The following HERC1 variants were observed in gnomAD, a reference collection of about 807,000 sequenced individuals.
The protein encoded by HERC1 is HECT and RLD domain containing E3 ubiquitin protein ligase family member 1.
Under a neutral mutation model 554.3 loss-of-function variants are expected in HERC1, and 160 were observed. The observed-to-expected ratio is 0.29, with a 90% confidence interval of 0.25 to 0.33. The LOEUF (loss-of-function observed/expected upper bound fraction) is 0.33. Among genes scored for constraint, HERC1 ranks in the 10% least tolerant of loss-of-function variants. The pLI is 1.00. For missense variants in HERC1, 4,919 were observed against 5,918.5 expected, an observed-to-expected ratio of 0.83 and a Z score of 5.54; for synonymous variants, 2,175 against 2,131.7, an observed-to-expected ratio of 1.02 and a Z score of -0.56.
chr15:63,799,143 CAG>C (rs1426533958), intron 1 of HERC1, among the ~76,000 whole-genome samples: 2 of 152,166 alleles, frequency 1.3e-5, no homozygotes, highest in Non-Finnish European at 2.9e-5. Flanking sequence ...TGTAGCTTAG[CAG>C]AGACACCCTC....
intron 65 of HERC1, 63 bp downstream of exon 65, chr15:63,635,898 G>A (rs760253940): frequency 2.1e-4 from 312 of 1,508,004 alleles, no homozygotes; most frequent in Non-Finnish European, 2.4e-4. Context: ...CTAATTTTAA[G>A]AAACCTATTC....
rs1394526865 is a variant in HERC1 at position 63,669,550 on chromosome 15, C to G, written c.8194G>C (p.Ala2732Pro). 6.2e-7 allele frequency: 1 copy of G among 1,613,752 alleles called. No individual in the cohort carries two copies. Among genetic ancestry groups the G allele is most frequent in the South Asian group, 1.1e-5 (1 of 91,076 alleles). ...TSPDSQSARP[A>P]NRTALSDPSS... is the part of the protein sequence containing the mutation. ...TCAGCACACGCACCTGTGCGGTTAGCTGGCCTTGCTGACTGGGAATCAGGA... is the reference window on the plus strand; with the variant it reads ...TCAGCACACGCACCTGTGCGGTTAGGTGGCCTTGCTGACTGGGAATCAGGA... The change falls in exon 40 of 78, where the codon GCT becomes CCT. Residue 2732 changes from alanine to proline, a missense_variant. Physicochemically the swap from Ala to Pro is conservative, Grantham distance 27. Transcript: ENST00000443617.
rs1274593657 is a variant in HERC1, at chr15:63,734,735, A to G, written c.2635T>C (p.Ser879Pro). ...PQGPDRWESLSKGQRMQLDII... is the reference protein window; with the variant it reads ...PQGPDRWESLPKGQRMQLDII... Reference sequence around the variant, plus strand: ...AAGCAAAGGCCTACCTGTCCTTTAGATAAGCTTTCCCATCTATCAGGTCCT... The same window carrying G: ...AAGCAAAGGCCTACCTGTCCTTTAGGTAAGCTTTCCCATCTATCAGGTCCT... The change falls in exon 13 of 78, where the codon TCT (serine) becomes CCT (proline). Residue 879 changes from serine (S) to proline (P), a missense_variant. By Grantham distance (74) the Ser-to-Pro change is moderately conservative (BLOSUM62 -1). Around this residue, in one of 11 missense-constraint regions of HERC1, gnomAD observed 744 missense variants for 1,090.0 expected, o/e 0.68. Coordinates refer to ENST00000443617, the MANE Select transcript of HERC1 (RefSeq NM_003922.4). This position sits in a 1 kb window ranked among gnomAD's most constrained non-coding sequence, Gnocchi z 4.6. 2 of 1,566,508 alleles carry G rather than the reference A, an allele frequency of 1.3e-6. No homozygotes were observed.
chr15:63,728,826 G>A (rs1477933304), intron 16 of HERC1, among the ~76,000 whole-genome samples: 4 of 151,586 alleles, frequency 2.6e-5, no homozygotes, highest in African/African-American at 9.7e-5. Context: ...AGAGTCAGAG[G>A]AAGAGGAGAG....
Position 63,659,781 on chromosome 15 carries a change from T to C in HERC1, c.9379A>G (p.Met3127Val), listed in dbSNP as rs1205354561. 2 of 1,613,978 alleles carry C rather than the reference T, an allele frequency of 1.2e-6. No homozygotes were observed. The highest frequency in any genetic ancestry group is 2.2e-5 in the East Asian group (1 of 44,890). The change falls in exon 47 of 78, where the codon ATG becomes GTG. Residue 3127 changes from methionine to valine, a missense_variant. By Grantham distance (21) the Met-to-Val change is conservative. Coordinates refer to ENST00000443617, the MANE Select transcript of HERC1 (RefSeq NM_003922.4). ...TCCATACTGTTGGTGGCTGTGACCA[T>C]TGCTACTGATGCTCCCAGTGGATCG... is the stretch of plus-strand genomic sequence containing the variant. Reference protein sequence around the residue: ...DSDPLGASVAMVTATNSMEET... With the variant: ...DSDPLGASVAVVTATNSMEET...
rs542377589 is a variant in HERC1 at position 63,657,667 on chromosome 15, C to G, written c.9599+877G>C. On this transcript the variant is annotated intron_variant, in intron 48 of 77. Transcript: ENST00000443617. ...ATTTATCAATCTTTTATGGCAGATT[C>G]CTTTTGTGACTTGCTTGAGGAATTT... Among the ~76,000 whole-genome samples, 23 of 152,220 alleles carry G rather than the reference C, an allele frequency of 1.5e-4. No homozygotes were observed. The East Asian group carries it at 3.7e-3, about 24-fold the overall frequency.
intron 34 of HERC1, among the ~76,000 whole-genome samples, chr15:63,684,306 C>G (rs1349671058): frequency 6.6e-6 from 1 of 152,174 alleles, no homozygotes; most frequent in Non-Finnish European, 1.5e-5. Flanking sequence ...CTAAATAAAA[C>G]TGTTCCCAGA....
Position 63,652,797 on chromosome 15 carries a change from C to T in HERC1, c.10291-256G>A, listed in dbSNP as rs190415359. Among the ~76,000 whole-genome samples, 120 of 152,164 alleles carry T rather than the reference C, an allele frequency of 7.9e-4. 1 individual carries two copies. The highest frequency in any genetic ancestry group is 1.5e-3 in the Non-Finnish European group (101 of 67,996). On this transcript the variant is annotated intron_variant, in intron 51 of 77. Transcript: ENST00000443617. ...CCTCCAAACAGCTGGATTACAGGCA[C>T]GTGCCACCACAACTGGATAATTTTT... is the stretch of plus-strand genomic sequence containing the variant.
rs2067788793 is a variant in HERC1 at position 63,615,772 on chromosome 15, C to A, written c.14090G>T (p.Arg4697Ile). 6.3e-7 allele frequency: 1 copy of A among 1,588,060 alleles called. No individual in the cohort carries two copies. Among genetic ancestry groups the A allele is most frequent in the African/African-American group, 1.4e-5 (1 of 73,438 alleles). Reference sequence around the variant, plus strand: ...TCCCGAGATGTTTCATCTCACCTGTCTGTCCATCTCATGAAGTCGATATTC... The same window carrying A: ...TCCCGAGATGTTTCATCTCACCTGTATGTCCATCTCATGAAGTCGATATTC... ...AIEYRLHEMDRQVAAVREGMS... is the reference protein window; with the variant it reads ...AIEYRLHEMDIQVAAVREGMS... The change falls in exon 76 of 78, where the codon AGA becomes ATA. Residue 4697 changes from arginine to isoleucine, a missense_variant. Coordinates refer to ENST00000443617, the MANE Select transcript of HERC1 (RefSeq NM_003922.4).
intron 1 of HERC1, among the ~76,000 whole-genome samples, chr15:63,803,429 C>CT (rs879775473): frequency 4.6e-4 from 68 of 148,122 alleles, no homozygotes; most frequent in Admixed American, 1.5e-3. Flanking sequence ...TTTTTTCTCT[C>CT]TTTTTTTTTT....
intron 25 of HERC1, among the ~76,000 whole-genome samples, chr15:63,704,498 T>A (rs1169333369): frequency 6.6e-6 from 1 of 152,186 alleles, no homozygotes; most frequent in East Asian, 1.9e-4. Context: ...ACTCAGTAAG[T>A]CTGGAGCCAT....
intron 26 of HERC1, among the ~76,000 whole-genome samples, chr15:63,697,573 G>A (rs2072494662): frequency 6.6e-6 from 1 of 150,526 alleles, no homozygotes; most frequent in Non-Finnish European, 1.5e-5. Flanking sequence ...TCCCGCCTCA[G>A]CCTCCCAAGT....
chr15:63,701,135 T>C (rs892071196), intron 25 of HERC1, among the ~76,000 whole-genome samples: 16 of 152,066 alleles, frequency 1.1e-4, no homozygotes, highest in Non-Finnish European at 4.4e-5. Flanking sequence ...GGAACTGATA[T>C]TAGAACTGCA....
chr15:63,780,343 C>T (rs920288226), intron 1 of HERC1: 1 of 151,916 alleles, frequency 6.6e-6, no homozygotes, highest in Admixed American at 6.6e-5. Flanking sequence ...CAAAATTATA[C>T]AAAGACAGAA....
intron 1 of HERC1, among the ~76,000 whole-genome samples, chr15:63,821,726 C>CAAAAAAAAAAAAAAAAAAA (rs35074987): frequency 1.3e-4 from 8 of 62,468 alleles, no homozygotes; most frequent in African/African-American, 5.6e-4. Flanking sequence ...TACCCTGTCT[C>CAAAAAAAAAAAAAAAAAAA]AAAAAAAAAA....
In HERC1 at chr15:63,749,289, T is replaced by C. The variant is rs1033013505; in HGVS notation, c.2219+78A>G. The C allele has an allele frequency of 3.7e-6, 4 of 1,093,536 alleles. No individual in the cohort carries two copies. Among genetic ancestry groups the C allele is most frequent in the Middle Eastern group, 2.5e-4 (1 of 3,974 alleles). 67.7% of individuals were successfully genotyped at this position (1,093,536 alleles called of 1,614,324 possible). ...TTTATGAACAAAGCACAATTATTTCTGTTTTTATTAGTGTTTCTACTTTTT... is the reference window on the plus strand; with the variant it reads ...TTTATGAACAAAGCACAATTATTTCCGTTTTTATTAGTGTTTCTACTTTTT... On this transcript the variant is annotated intron_variant, in intron 10 of 77. Coordinates refer to ENST00000443617, the MANE Select transcript of HERC1 (RefSeq NM_003922.4). This position sits in a 1 kb window ranked among gnomAD's most constrained non-coding sequence, Gnocchi z 4.1.
intron 1 of HERC1, among the ~76,000 whole-genome samples, chr15:63,813,898 A>G (rs927930188): frequency 1.3e-5 from 2 of 152,124 alleles, no homozygotes; most frequent in African/African-American, 4.8e-5. Context: ...GTCTCTACAA[A>G]AAATGCAAAA....
chr15:63,648,664 C>T (rs916306658), intron 54 of HERC1, among the ~76,000 whole-genome samples: 2 of 152,046 alleles, frequency 1.3e-5, no homozygotes, highest in African/African-American at 4.8e-5. Flanking sequence ...TATATTTCTA[C>T]TTGTTTCTTC....
Position 63,645,010 on chromosome 15 carries a change from C to G in HERC1, c.11166G>C (p.Glu3722Asp), listed in dbSNP as rs2229749. 0.83 allele frequency: 1,331,919 copies of G among 1,611,522 alleles called. 569,108 individuals are homozygous for G. Among genetic ancestry groups the G allele is most frequent in the Non-Finnish European group, 0.88 (1,034,598 of 1,177,904 alleles). The change falls in exon 57 of 78, where the codon GAG (glutamate) becomes GAC (aspartate). Residue 3722 changes from glutamate (E) to aspartate (D), a missense_variant. Glu to Asp is a conservative substitution (Grantham distance 45). Around this residue, in one of 11 missense-constraint regions of HERC1, gnomAD observed 1,963 missense variants for 2,228.6 expected, o/e 0.88. Coordinates refer to ENST00000443617, the MANE Select transcript of HERC1 (RefSeq NM_003922.4). ...TNVTSAEGWW[E>D]QESNCQDGYR... is the part of the protein sequence containing the mutation. The stretch of plus-strand genomic sequence containing the variant: ...ATGTTACCTGGCAATTTGATTCCTG[C>G]TCCCACCATCCTTCTGCACTAGTCA...
Sources: allele counts gnomAD v4.1 joint callset (sites outside exome capture counted in the v4.1 genomes callset), GRCh38; gene constraint gnomAD v4.1.1; regional missense constraint gnomAD v4.1.1; non-coding constraint Gnocchi (gnomAD v3.1); transcripts MANE v1.5; gene names NCBI Gene and HGNC (gene_info 2026-07-23, HGNC 2026-07-21).